EBF1: variants seen among roughly 807,000 people sequenced by gnomAD.
EBF1 encodes transcription factor COE1.
EBF1 carries 10 observed loss-of-function variants against 68.4 expected under a neutral mutation model. That is an observed-to-expected ratio of 0.15 (90% CI 0.09 to 0.25). The LOEUF (loss-of-function observed/expected upper bound fraction) is 0.25, where lower values mean the gene tolerates loss of function less well. EBF1 is among the 10% of genes least tolerant of loss of function. EBF1 has a pLI of 1.00. For missense variants in EBF1, 509 were observed against 794.4 expected (o/e 0.64, Z 4.32); for synonymous variants, 298 against 299.8 (o/e 0.99, Z 0.06).
chr5:158,799,297 C>A (rs1416478417), intron 8 of EBF1, among the ~76,000 whole-genome samples: 3 of 152,064 alleles, frequency 2.0e-5, no homozygotes, highest in African/African-American at 7.2e-5. Flanking sequence ...AGGTGCAAGC[C>A]TGTCATACTA....
intron 11 of EBF1, among the ~76,000 whole-genome samples, chr5:158,725,324 C>T (rs1762776122): frequency 6.6e-6 from 1 of 152,206 alleles, no homozygotes; most frequent in Non-Finnish European, 1.5e-5. Flanking sequence ...TGGTGTTCAC[C>T]TCCCTTATAA....
chr5:158,838,469 A>G (rs1789374891), intron 7 of EBF1, among the ~76,000 whole-genome samples: 1 of 151,548 alleles, frequency 6.6e-6, no homozygotes, highest in Non-Finnish European at 1.5e-5. Context: ...AAACGAAAGA[A>G]AAGAAAAAAA....
chr5:158,895,219 T>C (rs907021481), intron 6 of EBF1, among the ~76,000 whole-genome samples: 2 of 152,190 alleles, frequency 1.3e-5, no homozygotes. Context: ...GCATTCATTA[T>C]GCACAGAGTA....
chr5:158,900,920 G>A (rs1161920361), intron 6 of EBF1, among the ~76,000 whole-genome samples: 1 of 152,192 alleles, frequency 6.6e-6, no homozygotes. Flanking sequence ...TTAGTCAATT[G>A]GAGAACAGCA....
chr5:158,727,362 C>T (rs1181637869), intron 11 of EBF1, among the ~76,000 whole-genome samples: 1 of 152,190 alleles, frequency 6.6e-6, no homozygotes, highest in Non-Finnish European at 1.5e-5. Flanking sequence ...ACCTTGAACA[C>T]AGAGAGCGCT....
intron 11 of EBF1, among the ~76,000 whole-genome samples, chr5:158,721,832 T>A (rs1336944021): frequency 1.3e-5 from 2 of 152,068 alleles, no homozygotes; most frequent in Admixed American, 6.5e-5. Context: ...ACTTTTCAAG[T>A]GTCAGCAGTT....
intron 6 of EBF1, among the ~76,000 whole-genome samples, chr5:159,063,124 C>T (rs925267510): frequency 6.6e-6 from 1 of 152,174 alleles, no homozygotes; most frequent in Non-Finnish European, 1.5e-5. Context: ...CAAAAACAAG[C>T]CCTAAGCATC....
intron 6 of EBF1, among the ~76,000 whole-genome samples, chr5:158,912,488 A>T (rs760894264): frequency 1.3e-5 from 2 of 152,192 alleles, no homozygotes; most frequent in Non-Finnish European, 2.9e-5. Context: ...GCTGGATCAT[A>T]AAAATCACCT....
At chr5:158,835,343 G>A (rs1788524242) in intron 7 of EBF1, among the ~76,000 whole-genome samples, 1 of 152,214 alleles carries the variant, frequency 6.6e-6, no homozygotes, top group South Asian at 2.1e-4. Context: ...TACAGGTTAA[G>A]TGAAGTTCAG....
intron 6 of EBF1, among the ~76,000 whole-genome samples, chr5:158,969,899 AGAAAGAAAG>A (rs1561663164): frequency 4.2e-5 from 5 of 119,698 alleles, no homozygotes; most frequent in African/African-American, 1.5e-4. Flanking sequence ...AAAGAAAGAA[AGAAAGAAAG>A]AAAGAAAGAA....
chr5:159,000,408 G>C (rs1762304013), intron 6 of EBF1, among the ~76,000 whole-genome samples: 2 of 152,102 alleles, frequency 1.3e-5, no homozygotes, highest in Admixed American at 1.3e-4. Flanking sequence ...TAAAGCATTT[G>C]TGCAACTGTC....
At chr5:158,962,634 G>A (rs1473450321) in intron 6 of EBF1, among the ~76,000 whole-genome samples, 1 of 152,130 alleles carries the variant, frequency 6.6e-6, no homozygotes, top group Admixed American at 6.6e-5. Flanking sequence ...TCTGTACTGG[G>A]CTTATAAGAG....
intron 6 of EBF1, among the ~76,000 whole-genome samples, chr5:159,006,647 TAAAAAAA>T (rs36045942): frequency 0.25 from 13,732 of 55,466 alleles, 1,192 homozygotes; most frequent in South Asian, 0.38. Flanking sequence ...ATAGCCATGT[TAAAAAAA>T]AAAAAAAAAA....
chr5:158,944,470 G>A (rs1204249947), intron 6 of EBF1, among the ~76,000 whole-genome samples: 1 of 152,116 alleles, frequency 6.6e-6, no homozygotes, highest in African/African-American at 2.4e-5. Context: ...GTCTATCATT[G>A]ATGGGCATTT....
intron 6 of EBF1, among the ~76,000 whole-genome samples, chr5:159,051,587 GC>G (rs990198885): frequency 2.0e-5 from 3 of 151,880 alleles, no homozygotes; most frequent in South Asian, 2.1e-4. Context: ...AACACCGCCG[GC>G]CCGGCTCGGT....
rs745789186 is a variant in EBF1, at chr5:158,714,121, T to C, written c.1187A>G (p.Asn396Ser). The C allele has an allele frequency of 6.8e-6, 11 of 1,614,210 alleles. No individual in the cohort carries two copies. In the Admixed American group the frequency reaches 1.8e-4, roughly 27 times the overall value. ...CTAGACACCCACAGCGCTCACCTGG[T>C]TGTTGTGTGGCATCCCATACAGTGC... is the stretch of plus-strand genomic sequence containing the variant. ...VEALYGMPHN[N>S]QEIILKRAAD... The change falls in exon 12 of 16, where the codon AAC becomes AGC. Residue 396 changes from asparagine to serine, a missense_variant. Physicochemically the swap from Asn to Ser is conservative, Grantham distance 46. This residue lies in a region of EBF1 where 230 missense variants were observed against 467.7 expected (regional missense o/e 0.49). Transcript: ENST00000313708.
chr5:159,080,449 A>G (rs1779561158), intron 5 of EBF1, among the ~76,000 whole-genome samples: 2 of 152,228 alleles, frequency 1.3e-5, no homozygotes, highest in Admixed American at 1.3e-4. Flanking sequence ...TGTTTTGCAC[A>G]TAGTAGGTGC....
At chr5:159,022,072 A>G (rs2127716536) in intron 6 of EBF1, among the ~76,000 whole-genome samples, 1 of 151,744 alleles carries the variant, frequency 6.6e-6, no homozygotes, top group South Asian at 2.1e-4. Flanking sequence ...AAAAAAAAAA[A>G]AAAAGGCAAG....
chr5:159,052,262 A>T (rs763126540), intron 6 of EBF1, among the ~76,000 whole-genome samples: 8 of 151,932 alleles, frequency 5.3e-5, no homozygotes, highest in Admixed American at 2.0e-4. Context: ...CTTAGCAGCC[A>T]CAGAAAACCT....
Sources: gnomAD v4.1 joint callset for allele counts (sites outside exome capture counted in the v4.1 genomes callset) on GRCh38, gnomAD v4.1.1 for gene constraint, gnomAD v4.1.1 regional missense constraint, MANE v1.5 for transcripts, NCBI Gene and HGNC (gene_info 2026-07-23, HGNC 2026-07-21) for gene names.